The following OSR1 variants were observed in gnomAD, a reference collection of about 807,000 sequenced individuals.
The protein encoded by OSR1 is odd-skipped related transcription factor 1.
OSR1 carries 3 observed loss-of-function variants against 15.7 expected under a neutral mutation model. The ratio of observed to expected loss-of-function variants is 0.19; its 90% CI spans 0.09 to 0.50. The LOEUF (loss-of-function observed/expected upper bound fraction) is 0.50, where lower values mean the gene tolerates loss of function less well. Among genes scored for constraint, OSR1 ranks in the 20% least tolerant of loss-of-function variants. The pLI is 0.97. For synonymous variants in OSR1, 166 were observed against 152.7 expected, an observed-to-expected ratio of 1.09 and a Z score of -0.64; for missense variants, 271 against 351.1, an observed-to-expected ratio of 0.77 and a Z score of 1.82.
In OSR1 at chr2:19,357,532, G is replaced by C. The variant is rs1248780653; in HGVS notation, c.-33+809C>G. On this transcript the variant is annotated intron_variant, in intron 1 of 2. Coordinates refer to ENST00000272223, the MANE Select transcript of OSR1 (RefSeq NM_145260.3). The surrounding 1 kb of genome is among the most constrained non-coding windows in gnomAD (Gnocchi z 5.0). ...CTTTCCCCCTTCTTTCTCTCCTGACGGCTGGATTAGCGGACAGTCAGGGGA... is the reference window on the plus strand; with the variant it reads ...CTTTCCCCCTTCTTTCTCTCCTGACCGCTGGATTAGCGGACAGTCAGGGGA... Among the ~76,000 whole-genome samples, 3 of 152,028 alleles carry C rather than the reference G, an allele frequency of 2.0e-5. No individual in the cohort carries two copies. The highest frequency in any genetic ancestry group is 3.9e-4 in the East Asian group (2 of 5,176).
chr2:19,356,248 G>A (rs961442504), intron 1 of OSR1: 2 of 152,394 alleles, frequency 1.3e-5, no homozygotes, highest in Admixed American at 6.5e-5. Context: ...GCTCCGTAGG[G>A]GGTGCCGGGA....
At chr2:19,349,154 C>A (rs148142019), downstream of OSR1, among the ~76,000 whole-genome samples, 7 of 152,158 alleles carry the variant, frequency 4.6e-5, no homozygotes, top group Admixed American at 1.3e-4. Flanking sequence ...CATTTCTGAC[C>A]CTCTCAATTG....
At chr2:19,356,869 T>C (rs1664960816) in intron 1 of OSR1, 1 of 152,264 alleles carries the variant, frequency 6.6e-6, no homozygotes, top group African/African-American at 2.4e-5. Flanking sequence ...CAGAGTCTAT[T>C]AAAGTGGTTT....
intron 1 of OSR1, chr2:19,354,091 A>G (rs1664900365): frequency 9.3e-6 from 4 of 432,206 alleles, no homozygotes; most frequent in Non-Finnish European, 1.7e-5. Context: ...GAGCCACACA[A>G]CTTGATAGAG....
At position 19,353,338 on chromosome 2, in the gene OSR1, C is replaced by T. The variant is rs1664877015; in HGVS notation, c.468G>A (p.Leu156=). The T allele has an allele frequency of 6.2e-7, 1 of 1,614,268 alleles. No homozygotes were observed. Residue 156 remains leucine (L), a synonymous_variant, in exon 2 of 3, where the codon CTG becomes CTA. Transcript: ENST00000272223. ...CCCTTGTGGGCTTCTTTTCTGGAGA[C>T]AGCTTGGTCACGTCGAGGAGGGCAC... is the stretch of plus-strand genomic sequence containing the variant. The part of the protein sequence containing the change: ...GLGALLDVTK[L]SPEKKPTRGR...
intron 1 of OSR1, chr2:19,354,961 A>G (rs1158906099): frequency 1.3e-5 from 2 of 152,308 alleles, no homozygotes; most frequent in Non-Finnish European, 2.9e-5. Flanking sequence ...GGAAAGCCAC[A>G]CTGAAGTGAC....
downstream of OSR1, among the ~76,000 whole-genome samples, chr2:19,350,073 C>G (rs1664807043): frequency 6.6e-6 from 1 of 152,236 alleles, no homozygotes; most frequent in Admixed American, 6.5e-5. Context: ...ACCTTGTGAA[C>G]TGCTTGGAAG....
downstream of OSR1, among the ~76,000 whole-genome samples, chr2:19,349,319 G>A (rs900898994): frequency 7.9e-5 from 12 of 152,132 alleles, no homozygotes; most frequent in African/African-American, 2.7e-4. Flanking sequence ...TACTGTTTCT[G>A]CACAGTCTAT....
rs539064968 is a variant in OSR1 at position 19,351,549 on chromosome 2, T to G, written c.*726A>C. The G allele has an allele frequency of 6.6e-6, 1 of 152,320 alleles. No individual in the cohort carries two copies. Among genetic ancestry groups the G allele is most frequent in the East Asian group, 1.9e-4 (1 of 5,174 alleles). 9.4% of individuals were successfully genotyped at this position (152,320 alleles called of 1,614,324 possible). On this transcript the variant is annotated 3_prime_UTR_variant, in exon 3 of 3. Coordinates refer to ENST00000272223, the MANE Select transcript of OSR1 (RefSeq NM_145260.3). ...AAAAAACTCCAGTGATAAATGTCCG[T>G]TACCGATGGTCAGCATAAAGTGCCA...
At chr2:19,349,795 C>CTGTG (rs45530837), downstream of OSR1, among the ~76,000 whole-genome samples, 19 of 151,496 alleles carry the variant, frequency 1.3e-4, no homozygotes, top group Admixed American at 2.6e-4. Flanking sequence ...GAAGGGCACC[C>CTGTG]TGTGTGTGTG....
intron 1 of OSR1, 149 bp from the exon 2 acceptor site, chr2:19,353,986 T>A: frequency 1.6e-6 from 1 of 643,500 alleles, no homozygotes; most frequent in Non-Finnish European, 2.6e-6. Flanking sequence ...CAAAACCCAC[T>A]GCCCTCACAA....
chr2:19,347,116 G>A (rs1317901774), downstream of OSR1, among the ~76,000 whole-genome samples: 2 of 152,154 alleles, frequency 1.3e-5, no homozygotes, highest in Non-Finnish European at 2.9e-5. Context: ...TTTCATTTCA[G>A]GATGCCTCTG....
At chr2:19,348,696 G>A (rs1306380395), downstream of OSR1, among the ~76,000 whole-genome samples, 1 of 152,084 alleles carries the variant, frequency 6.6e-6, no homozygotes, top group Admixed American at 6.6e-5. Context: ...TTTTTTAGTG[G>A]GTCCCTAACC....
rs1420098198 is a variant in OSR1 at position 19,358,441 on chromosome 2, C to G, written c.-133G>C. 1 of 152,404 alleles carries G rather than the reference C, an allele frequency of 6.6e-6. No individual in the cohort carries two copies. Among genetic ancestry groups the G allele is most frequent in the Admixed American group, 6.5e-5 (1 of 15,290 alleles). The allele number at this position is 152,404 out of a possible 1,614,324, so 9.4% of individuals were successfully genotyped here. A position where few individuals can be genotyped will look rare whatever the true frequency, so the allele number is the denominator to read the frequency against. On this transcript the variant is annotated 5_prime_UTR_variant, in exon 1 of 3. Coordinates refer to ENST00000272223, the MANE Select transcript of OSR1 (RefSeq NM_145260.3). Reference sequence around the variant, plus strand: ...CTGGAGCCCACAGGCGCCCCTGGAGCTCTAGTGTCCCGACTCCTCTCCTGC... The same window carrying G: ...CTGGAGCCCACAGGCGCCCCTGGAGGTCTAGTGTCCCGACTCCTCTCCTGC...
In OSR1 at chr2:19,353,117, C is replaced by A. The variant is rs369088421; in HGVS notation, c.665+24G>T. 6 of 1,610,474 alleles carry A rather than the reference C, an allele frequency of 3.7e-6. No homozygotes were observed. In the South Asian group the frequency reaches 6.6e-5, roughly 18 times the overall value. On this transcript the variant is annotated intron_variant, in intron 2 of 2. Transcript: ENST00000272223. ...TGAGGCCAGAGGCAGAGAGCTCTCT[C>A]TTGCGCCACCCGCAGTGCCGCACCT...
At chr2:19,348,803 T>A, downstream of OSR1, among the ~76,000 whole-genome samples, 1 of 152,202 alleles carries the variant, frequency 6.6e-6, no homozygotes, top group Middle Eastern at 3.2e-3. Flanking sequence ...GCACCTGATA[T>A]CTTACCGGAG....
chr2:19,350,571 C>A (rs1664818886), downstream of OSR1, among the ~76,000 whole-genome samples: 2 of 152,162 alleles, frequency 1.3e-5, no homozygotes, highest in Non-Finnish European at 2.9e-5. Flanking sequence ...GCGCTCCGGG[C>A]GCTGAAGCTG....
chr2:19,348,238 T>C (rs1664772959), downstream of OSR1, among the ~76,000 whole-genome samples: 1 of 151,882 alleles, frequency 6.6e-6, no homozygotes, highest in South Asian at 2.1e-4. Flanking sequence ...TCAGGACAGC[T>C]GCCAACGCTT....
At chr2:19,349,167 C>T (rs1263961630), downstream of OSR1, among the ~76,000 whole-genome samples, 1 of 152,218 alleles carries the variant, frequency 6.6e-6, no homozygotes, top group Non-Finnish European at 1.5e-5. Flanking sequence ...CTCAATTGCA[C>T]TTTTTGTGCA....
Sources: gnomAD v4.1 joint callset for allele counts (sites outside exome capture counted in the v4.1 genomes callset) on GRCh38, gnomAD v4.1.1 for gene constraint, Gnocchi (gnomAD v3.1) non-coding constraint, MANE v1.5 for transcripts, NCBI Gene and HGNC (gene_info 2026-07-23, HGNC 2026-07-21) for gene names.